RBFOX1: variants seen among roughly 807,000 people sequenced by gnomAD.
The protein encoded by RBFOX1 is RNA binding protein fox-1 homolog 1.
RBFOX1 carries 8 observed loss-of-function variants against 57.7 expected under a neutral mutation model. The ratio of observed to expected loss-of-function variants is 0.14; its 90% confidence interval spans 0.08 to 0.25. The LOEUF is 0.25. Ranked by LOEUF, RBFOX1 falls within the 10% of genes least tolerant of loss-of-function variation. The pLI is 1.00. For synonymous variants in RBFOX1, 326 were observed against 222.4 expected, an observed-to-expected ratio of 1.47 and a Z score of -4.15; for missense variants, 611 against 548.5, an observed-to-expected ratio of 1.11 and a Z score of -1.14.
rs1032114767 is a variant in RBFOX1 at position 6,297,393 on chromosome 16, C to A, written c.-126-19602C>A. ...TCACAATTTGGAGAGCACGGATAGG[C>A]TCTCATGGATCTGCTGTTTCACTGT... is the stretch of plus-strand genomic sequence containing the variant. On this transcript the variant is annotated intron_variant, in intron 1 of 15. Coordinates refer to ENST00000550418, the MANE Select transcript of RBFOX1 (RefSeq NM_018723.4). Among the ~76,000 whole-genome samples the A allele has an allele frequency of 2.7e-5, 4 of 147,618 alleles. No homozygotes were observed. The South Asian group carries it at 9.0e-4, about 33-fold the overall frequency.
chr16:6,222,684 TTTA>T (rs57108959), intron 1 of RBFOX1, among the ~76,000 whole-genome samples: 9,950 of 141,192 alleles, frequency 0.07, 722 homozygotes, highest in African/African-American at 0.19. Context: ...TTTCTTTTCT[TTTA>T]TTATTATTAT....
At chr16:7,601,705 C>T (rs535350162) in intron 9 of RBFOX1, among the ~76,000 whole-genome samples, 2 of 152,282 alleles carry the variant, frequency 1.3e-5, no homozygotes, top group East Asian at 3.9e-4. Flanking sequence ...CAATGGGGAG[C>T]AGTGGTAAAT....
intron 4 of RBFOX1, among the ~76,000 whole-genome samples, chr16:5,997,915 G>T (rs1168471295): frequency 1.3e-5 from 2 of 152,084 alleles, no homozygotes; most frequent in African/African-American, 4.8e-5. Flanking sequence ...TACATAACAT[G>T]AAATTTGAGT....
At chr16:6,403,820 C>T (rs2093173776) in intron 2 of RBFOX1, among the ~76,000 whole-genome samples, 1 of 152,086 alleles carries the variant, frequency 6.6e-6, no homozygotes, top group African/African-American at 2.4e-5. Context: ...CTGAGAATTA[C>T]TATATTTGAA....
chr16:5,856,282 TATACACAC>T (rs1327142748), intron 3 of RBFOX1, among the ~76,000 whole-genome samples: 1,400 of 29,938 alleles, frequency 0.047, 56 homozygotes, highest in Admixed American at 0.11. Flanking sequence ...TACACATATA[TATACACAC>T]ACACACACAC....
chr16:5,490,449 C>A (rs536878402), intron 2 of RBFOX1, among the ~76,000 whole-genome samples: 4 of 152,184 alleles, frequency 2.6e-5, no homozygotes, highest in Admixed American at 6.5e-5. Flanking sequence ...TGTAGGTGCT[C>A]GGCCTTGTGG....
chr16:5,541,478 G>T (rs1567210226), intron 2 of RBFOX1, among the ~76,000 whole-genome samples: 1 of 152,174 alleles, frequency 6.6e-6, no homozygotes, highest in South Asian at 2.1e-4. Flanking sequence ...TTCTGGAAAG[G>T]CAGGACAACT....
At chr16:7,378,214 C>A (rs569891473) in intron 4 of RBFOX1, among the ~76,000 whole-genome samples, 9 of 152,074 alleles carry the variant, frequency 5.9e-5, no homozygotes, top group African/African-American at 1.9e-4. Flanking sequence ...CAGGAAGCTG[C>A]GATGAGTGTG....
At chr16:6,414,307 A>G (rs1278476066) in intron 2 of RBFOX1, among the ~76,000 whole-genome samples, 1 of 152,208 alleles carries the variant, frequency 6.6e-6, no homozygotes, top group East Asian at 1.9e-4. Flanking sequence ...TTATATATGT[A>G]TATGCAATTT....
intron 11 of RBFOX1, among the ~76,000 whole-genome samples, chr16:7,634,173 A>C (rs1243289870): frequency 6.6e-6 from 1 of 152,136 alleles, no homozygotes; most frequent in African/African-American, 2.4e-5. Flanking sequence ...CATACTTTTC[A>C]GCAATTGTGT....
At chr16:5,604,259 T>C (rs539362878), downstream of RBFOX1, among the ~76,000 whole-genome samples, 1 of 152,330 alleles carries the variant, frequency 6.6e-6, no homozygotes, top group African/African-American at 2.4e-5. Context: ...CTGTCTACCA[T>C]CTTATTGCTT....
chr16:7,054,665 GA>G (rs933869033), intron 4 of RBFOX1, among the ~76,000 whole-genome samples: 1 of 152,042 alleles, frequency 6.6e-6, no homozygotes, highest in African/African-American at 2.4e-5. Flanking sequence ...GAGAGTGGAA[GA>G]AAATTAGAAA....
chr16:5,256,940 GAAA>G (rs545846882), intron 1 of RBFOX1, among the ~76,000 whole-genome samples: 1 of 134,436 alleles, frequency 7.4e-6, no homozygotes, highest in African/African-American at 2.7e-5. Flanking sequence ...TCTGAAAAAA[GAAA>G]AAAAAAAAAG....
chr16:6,959,654 A>G (rs2082555797), intron 3 of RBFOX1, among the ~76,000 whole-genome samples: 1 of 152,116 alleles, frequency 6.6e-6, no homozygotes, highest in Admixed American at 6.6e-5. Context: ...TTAAAAGCTG[A>G]GGCTGGGCGT....
At chr16:6,253,699 G>GTATATATATA (rs373756943) in intron 1 of RBFOX1, among the ~76,000 whole-genome samples, 4 of 142,412 alleles carry the variant, frequency 2.8e-5, no homozygotes, top group African/African-American at 5.1e-5. Flanking sequence ...GTGTGTGTGT[G>GTATATATATA]TATATATATA....
intron 3 of RBFOX1, among the ~76,000 whole-genome samples, chr16:6,906,908 GA>G (rs777200141): frequency 5.7e-4 from 87 of 151,980 alleles, no homozygotes; most frequent in Non-Finnish European, 1.1e-3. Context: ...ATTTTTAGTA[GA>G]GATGGGGTTT....
chr16:5,927,377 A>G (rs1388561570), intron 4 of RBFOX1, among the ~76,000 whole-genome samples: 1 of 152,230 alleles, frequency 6.6e-6, no homozygotes, highest in Non-Finnish European at 1.5e-5. Flanking sequence ...CTAGGCACCA[A>G]TGGCTTTTAA....
intron 1 of RBFOX1, among the ~76,000 whole-genome samples, chr16:5,248,300 G>A (rs2151071858): frequency 1.3e-5 from 2 of 152,376 alleles, no homozygotes; most frequent in South Asian, 4.1e-4. Context: ...TAACCAGATG[G>A]TGCATTTAAT....
chr16:6,642,862 C>G (rs190737102), intron 2 of RBFOX1, among the ~76,000 whole-genome samples: 1 of 152,136 alleles, frequency 6.6e-6, no homozygotes, highest in Non-Finnish European at 1.5e-5. Context: ...GCCCTGCAAC[C>G]TACCCAACTA....
Sources: gnomAD v4.1 joint callset for allele counts (sites outside exome capture counted in the v4.1 genomes callset) on GRCh38, gnomAD v4.1.1 for gene constraint, MANE v1.5 for transcripts, NCBI Gene and HGNC (gene_info 2026-07-23, HGNC 2026-07-21) for gene names.